NID1: variants seen among roughly 807,000 people sequenced by gnomAD.
The protein encoded by NID1 is nidogen-1.
In NID1, 76 loss-of-function variants were observed where a neutral mutation model predicts 130.6. The observed-to-expected ratio is 0.58, with a 90% CI of 0.48 to 0.70. The LOEUF (loss-of-function observed/expected upper bound fraction) is 0.70, where lower values mean the gene tolerates loss of function less well. Among genes scored for constraint, NID1 ranks in the 30% least tolerant of loss-of-function variants. NID1 has a pLI of 0.00. For missense variants in NID1, 1,517 were observed against 1,664.8 expected (o/e 0.91, Z 1.54); for synonymous variants, 665 against 675.1 (o/e 0.98, Z 0.23).
At chr1:236,007,439 C>T (rs1387024262) in intron 12 of NID1, among the ~76,000 whole-genome samples, 1 of 152,310 alleles carries the variant, frequency 6.6e-6, no homozygotes, top group Admixed American at 6.5e-5. Flanking sequence ...TCCCCACTGC[C>T]TGGTCTTCCA....
rs751633961 is a variant in NID1, at chr1:235,980,545, A to G, written c.3336T>C (p.Asn1112=). The G allele has an allele frequency of 6.2e-7, 1 of 1,614,180 alleles. No individual in the cohort carries two copies. The highest frequency in any genetic ancestry group is 8.5e-7 in the Non-Finnish European group (1 of 1,180,020). Residue 1112 remains asparagine, a synonymous_variant, in exon 17 of 20, where the codon AAT becomes AAC. Coordinates refer to ENST00000264187, the MANE Select transcript of NID1 (RefSeq NM_002508.3). ...ATGAGAACGCATCGAAGGTCAGTCCATTGGGCAAGCCCAGGTCATCCTGCA... is the reference window on the plus strand; with the variant it reads ...ATGAGAACGCATCGAAGGTCAGTCCGTTGGGCAAGCCCAGGTCATCCTGCA... The part of the protein sequence containing the change: ...ILVQDDLGLP[N]GLTFDAFSSQ...
intron 17 of NID1, 121 bp from the exon 18 acceptor site, chr1:235,980,066 G>C: frequency 8.9e-7 from 1 of 1,125,734 alleles, no homozygotes; most frequent in Non-Finnish European, 1.3e-6. Flanking sequence ...ACAAGTCCCA[G>C]AGAACACATG....
At chr1:236,029,400 C>T (rs1659030547) in intron 7 of NID1, 150 bp downstream of exon 7, 5 of 717,794 alleles carry the variant, frequency 7.0e-6, no homozygotes, top group Non-Finnish European at 1.2e-5. Context: ...CGTCCTATGT[C>T]TATAATTGAG....
intron 4 of NID1, among the ~76,000 whole-genome samples, chr1:236,040,178 G>A (rs997258311): frequency 6.6e-6 from 1 of 152,118 alleles, no homozygotes; most frequent in Non-Finnish European, 1.5e-5. Context: ...ACATATGCAA[G>A]GAAACACACC....
In NID1 at chr1:236,046,806, A is replaced by C. The variant is rs958434867; in HGVS notation, c.526-1123T>G. On this transcript the variant is annotated intron_variant, in intron 2 of 19. Transcript: ENST00000264187. ...TAAGCTGTTTTCAAGTTTGGCACTC[A>C]GACAGATAACAGTTGGCAAGCAAAA... Among the ~76,000 whole-genome samples, 9 of 152,232 alleles carry C rather than the reference A, an allele frequency of 5.9e-5. 1 individual carries two copies. The highest frequency in any genetic ancestry group is 5.9e-4 in the Admixed American group (9 of 15,278).
At chr1:236,000,149 G>A (rs1331821366) in intron 12 of NID1, among the ~76,000 whole-genome samples, 1 of 152,178 alleles carries the variant, frequency 6.6e-6, no homozygotes, top group Non-Finnish European at 1.5e-5. Context: ...AGGGAGTGGA[G>A]GTTGCAGTGA....
chr1:236,049,906 C>T (rs1050028285), intron 1 of NID1, among the ~76,000 whole-genome samples: 4 of 151,792 alleles, frequency 2.6e-5, no homozygotes, highest in African/African-American at 9.7e-5. Context: ...GGCGTGATGG[C>T]GGGCACCAAA....
At chr1:236,007,472 A>C (rs1237388385) in intron 12 of NID1, among the ~76,000 whole-genome samples, 1 of 152,132 alleles carries the variant, frequency 6.6e-6, no homozygotes, top group Admixed American at 6.5e-5. Context: ...CCCCTGTCAC[A>C]CTGCAAGAGG....
At chr1:235,993,516 G>T in intron 13 of NID1, 129 bp downstream of exon 13, 1 of 831,688 alleles carries the variant, frequency 1.2e-6, no homozygotes, top group African/African-American at 1.7e-5. Flanking sequence ...AGCAGGAGCG[G>T]GTGGGGCTGG....
At chr1:235,983,085 G>A (rs1190778555) in intron 15 of NID1, among the ~76,000 whole-genome samples, 1 of 152,198 alleles carries the variant, frequency 6.6e-6, no homozygotes, top group African/African-American at 2.4e-5. Context: ...ATGTTGGCCA[G>A]GCTGGTCTCA....
intron 9 of NID1, among the ~76,000 whole-genome samples, chr1:236,020,819 T>C (rs1339921901): frequency 2.0e-5 from 3 of 152,172 alleles, no homozygotes; most frequent in Non-Finnish European, 4.4e-5. Context: ...ACACTCGCAT[T>C]CCACGGAGGT....
At chr1:236,007,075 G>T (rs1365758156) in intron 12 of NID1, among the ~76,000 whole-genome samples, 1 of 152,204 alleles carries the variant, frequency 6.6e-6, no homozygotes, top group Non-Finnish European at 1.5e-5. Flanking sequence ...CCAGGCTAGA[G>T]TGCAGGGGCA....
chr1:236,016,840 G>T (rs1658606400), intron 10 of NID1, among the ~76,000 whole-genome samples: 1 of 83,526 alleles, frequency 1.2e-5, no homozygotes, highest in South Asian at 4.7e-4. Context: ...ATGTCTAATA[G>T]CTTATAGTTA....
At chr1:235,983,521 G>A (rs1198589387) in intron 15 of NID1, among the ~76,000 whole-genome samples, 1 of 152,188 alleles carries the variant, frequency 6.6e-6, no homozygotes, top group African/African-American at 2.4e-5. Flanking sequence ...TCCTGTGTGA[G>A]AGACAAGAGC....
Position 236,007,016 on chromosome 1 carries a change from T to C in NID1, c.2527+4905A>G, listed in dbSNP as rs991205087. On this transcript the variant is annotated intron_variant, in intron 12 of 19. Transcript: ENST00000264187. ...GCAGGGTTGAGGGAAAGCTTCATTT[T>C]GTTTATTATTTTTAAATTTTTTTGG... 1.1e-4 allele frequency among the ~76,000 whole-genome samples: 16 copies of C among 152,180 alleles called. No individual in the cohort carries two copies. The South Asian group carries it at 1.7e-3, about 16-fold the overall frequency.
intron 2 of NID1, among the ~76,000 whole-genome samples, chr1:236,045,935 AAGGTT>A (rs930141722): frequency 1.3e-5 from 2 of 152,190 alleles, no homozygotes; most frequent in African/African-American, 2.4e-5. Flanking sequence ...CTGTGGCCCT[AAGGTT>A]AACCAAAAAT....
chr1:235,995,339 A>G (rs989095162), intron 12 of NID1, among the ~76,000 whole-genome samples: 6 of 152,204 alleles, frequency 3.9e-5, no homozygotes, highest in Non-Finnish European at 7.3e-5. Context: ...ACCATTTTAT[A>G]TCAGAGACTT....
chr1:235,983,996 A>G (rs1162798632), intron 15 of NID1, among the ~76,000 whole-genome samples: 1 of 152,120 alleles, frequency 6.6e-6, no homozygotes, highest in Non-Finnish European at 1.5e-5. Flanking sequence ...AAAAAAAAAA[A>G]AAGAAAATTA....
In NID1 at chr1:236,010,166, C is replaced by T. The variant is rs531330014; in HGVS notation, c.2527+1755G>A. 3.3e-5 allele frequency among the ~76,000 whole-genome samples: 5 copies of T among 152,254 alleles called. No individual in the cohort carries two copies. The South Asian group carries it at 8.3e-4, about 25-fold the overall frequency. On this transcript the variant is annotated intron_variant, in intron 12 of 19. Coordinates refer to ENST00000264187, the MANE Select transcript of NID1 (RefSeq NM_002508.3). ...GATCATAAACTCTTCTCTATGTAACCTGCCTATTAAAATCTATGAGTAGTG... is the reference window on the plus strand; with the variant it reads ...GATCATAAACTCTTCTCTATGTAACTTGCCTATTAAAATCTATGAGTAGTG...
Sources: gnomAD v4.1 joint callset for allele counts (sites outside exome capture counted in the v4.1 genomes callset) on GRCh38, gnomAD v4.1.1 for gene constraint, MANE v1.5 for transcripts, NCBI Gene and HGNC (gene_info 2026-07-23, HGNC 2026-07-21) for gene names.